Variants in GALNT18 observed in about 807,000 individuals in gnomAD.
GALNT18 encodes GalNAc-transferase 18.
GALNT18 carries 44 observed loss-of-function variants against 69.5 expected under a neutral mutation model. The observed-to-expected ratio is 0.63, with a 90% confidence interval of 0.50 to 0.81. The LOEUF (loss-of-function observed/expected upper bound fraction) is 0.81, where lower values mean the gene tolerates loss of function less well. Among genes scored for constraint, GALNT18 ranks in the 40% least tolerant of loss-of-function variants. The pLI, the probability that GALNT18 is intolerant of heterozygous loss-of-function variation, is 0.00. For missense variants in GALNT18, 715 were observed against 810.0 expected (o/e 0.88, Z 1.42); for synonymous variants, 364 against 318.2 (o/e 1.14, Z -1.53).
intron 10 of GALNT18, among the ~76,000 whole-genome samples, chr11:11,287,236 A>G (rs1190770176): frequency 6.6e-6 from 1 of 152,242 alleles, no homozygotes; most frequent in Non-Finnish European, 1.5e-5. Context: ...TTTAGCCATG[A>G]ATTCAAACAT....
intron 1 of GALNT18, among the ~76,000 whole-genome samples, chr11:11,585,631 C>T (rs999633849): frequency 3.9e-5 from 6 of 152,174 alleles, no homozygotes; most frequent in Non-Finnish European, 5.9e-5. Flanking sequence ...GCTGGGATTA[C>T]AGGCATGAGC....
At position 11,375,328 on chromosome 11, in the gene GALNT18, T is replaced by C. The variant is rs531345289; in HGVS notation, c.977+1854A>G. 1.2e-3 allele frequency among the ~76,000 whole-genome samples: 189 copies of C among 152,326 alleles called. 1 individual carries two copies. The highest frequency in any genetic ancestry group is 4.2e-3 in the African/African-American group (174 of 41,572). On this transcript the variant is annotated intron_variant, in intron 5 of 10. Coordinates refer to ENST00000227756, the MANE Select transcript of GALNT18 (RefSeq NM_198516.3). ...CAAGTTTTTGATAAAAATTGGGTGA[T>C]AGAAAATTTGAGGTTGAGATGACAT...
chr11:11,314,562 G>A lies in GALNT18; in HGVS notation c.1512+12524C>T, dbSNP rs1849719847. Among the ~76,000 whole-genome samples, 1 of 152,106 alleles carries A rather than the reference G, an allele frequency of 6.6e-6. No individual in the cohort carries two copies. Among genetic ancestry groups the A allele is most frequent in the South Asian group, 2.1e-4 (1 of 4,824 alleles). ...TGTCCAGGCAGGAGATGGCTGGTCT[G>A]CCTCTCTTTTGCAACTACCAAAAGA... is the stretch of plus-strand genomic sequence containing the variant. On this transcript the variant is annotated intron_variant, in intron 9 of 10. Transcript: ENST00000227756. This position sits in a 1 kb window ranked among gnomAD's most constrained non-coding sequence, Gnocchi z 5.2.
At chr11:11,395,720 T>C (rs1250334377) in intron 3 of GALNT18, among the ~76,000 whole-genome samples, 1 of 151,908 alleles carries the variant, frequency 6.6e-6, no homozygotes, top group Non-Finnish European at 1.5e-5. Context: ...AGGAGGCCCA[T>C]TGGGAGAAAG....
intron 1 of GALNT18, among the ~76,000 whole-genome samples, chr11:11,577,517 C>T (rs1378129107): frequency 3.9e-5 from 6 of 152,178 alleles, no homozygotes; most frequent in South Asian, 2.1e-4. Context: ...CCTCCAATTT[C>T]CGTTTTGTTA....
chr11:11,544,062 C>A (rs1217080118), intron 1 of GALNT18, among the ~76,000 whole-genome samples: 4 of 152,238 alleles, frequency 2.6e-5, no homozygotes, highest in African/African-American at 9.6e-5. Context: ...CCAGGCTGTG[C>A]CAGCCCCTCT....
intron 6 of GALNT18, among the ~76,000 whole-genome samples, chr11:11,360,325 G>A (rs748426835): frequency 6.6e-6 from 1 of 152,280 alleles, no homozygotes; most frequent in Admixed American, 6.5e-5. Context: ...TGCTGCTCTC[G>A]CAATGCATCA....
At chr11:11,449,016 A>G in intron 1 of GALNT18, 80 bp from the exon 2 acceptor site, 1 of 1,205,278 alleles carries the variant, frequency 8.3e-7, no homozygotes, top group South Asian at 1.6e-5. Context: ...CCTTCCTCAC[A>G]AACAGCCTTT....
intron 1 of GALNT18, among the ~76,000 whole-genome samples, chr11:11,556,533 T>TA (rs1858337028): frequency 6.6e-6 from 1 of 152,252 alleles, no homozygotes; most frequent in South Asian, 2.1e-4. Flanking sequence ...TACAAAAATC[T>TA]AACTTCTCAC....
At chr11:11,466,622 A>G (rs1856161508) in intron 1 of GALNT18, among the ~76,000 whole-genome samples, 1 of 152,228 alleles carries the variant, frequency 6.6e-6, no homozygotes, top group Non-Finnish European at 1.5e-5. Flanking sequence ...TTTACCTATT[A>G]GGATTTTGCA....
chr11:11,493,914 C>T (rs1214364686), intron 1 of GALNT18, among the ~76,000 whole-genome samples: 1 of 152,172 alleles, frequency 6.6e-6, no homozygotes, highest in African/African-American at 2.4e-5. Context: ...CCATGGGGAG[C>T]TGTCACAGAG....
At chr11:11,524,394 C>T (rs539436425) in intron 1 of GALNT18, among the ~76,000 whole-genome samples, 1 of 152,300 alleles carries the variant, frequency 6.6e-6, no homozygotes, top group South Asian at 2.1e-4. Context: ...TTACCATTGC[C>T]TTGCAGTATC....
intron 1 of GALNT18, among the ~76,000 whole-genome samples, chr11:11,566,911 G>A (rs150554087): frequency 4.6e-5 from 7 of 152,260 alleles, no homozygotes; most frequent in African/African-American, 1.2e-4. Context: ...TCCACCTTCC[G>A]TGATTAGTTG....
intron 6 of GALNT18, among the ~76,000 whole-genome samples, chr11:11,365,538 T>C (rs1435181024): frequency 2.0e-5 from 3 of 152,172 alleles, no homozygotes. Context: ...GATCAAATGG[T>C]GTTTCTGGTT....
intron 9 of GALNT18, among the ~76,000 whole-genome samples, chr11:11,316,788 G>A (rs528431982): frequency 6.6e-6 from 1 of 152,346 alleles, no homozygotes; most frequent in Non-Finnish European, 1.5e-5. Flanking sequence ...GGGCTAGTGG[G>A]AAAGGAGTGT....
In GALNT18 at chr11:11,430,046, G is replaced by A. The variant is rs1350329705; in HGVS notation, c.595+2575C>T. Among the ~76,000 whole-genome samples, 1 of 152,030 alleles carries A rather than the reference G, an allele frequency of 6.6e-6. No homozygotes were observed. Among genetic ancestry groups the A allele is most frequent in the Non-Finnish European group, 1.5e-5 (1 of 68,010 alleles). On this transcript the variant is annotated intron_variant, in intron 3 of 10. Coordinates refer to ENST00000227756, the MANE Select transcript of GALNT18 (RefSeq NM_198516.3). The surrounding 1 kb of genome is among the most constrained non-coding windows in gnomAD (Gnocchi z 4.9). ...TCCCAGCTACTCGGGAGGCTAAGAT[G>A]GGAGGATTGCTTGAGCCTGGGAGCC...
chr11:11,274,883 T>C (rs1848907517), intron 10 of GALNT18, among the ~76,000 whole-genome samples: 2 of 152,212 alleles, frequency 1.3e-5, no homozygotes, highest in African/African-American at 4.8e-5. Flanking sequence ...CATGAACTCA[T>C]TTTTTATGGC....
At chr11:11,295,717 T>A (rs1369458077) in intron 9 of GALNT18, among the ~76,000 whole-genome samples, 1 of 152,040 alleles carries the variant, frequency 6.6e-6, no homozygotes, top group African/African-American at 2.4e-5. Flanking sequence ...TGTGGTCACT[T>A]TACAAGTTAT....
Position 11,332,800 on chromosome 11 carries a change from G to A in GALNT18, c.1310C>T (p.Ala437Val), listed in dbSNP as rs986530613. The change falls in exon 8 of 11, where the codon GCA (alanine) becomes GTA (valine). Residue 437 changes from alanine to valine, a missense_variant. Ala to Val is a moderately conservative substitution (Grantham distance 64). Coordinates refer to ENST00000227756, the MANE Select transcript of GALNT18 (RefSeq NM_198516.3). This position sits in a 1 kb window ranked among gnomAD's most constrained non-coding sequence, Gnocchi z 4.3. Reference sequence around the variant, plus strand: ...CAGCTGTTTCCTGAGAGCCTTCCTTGCAGTGATGTCCCCAATGTCAATTCC... The same window carrying A: ...CAGCTGTTTCCTGAGAGCCTTCCTTACAGTGATGTCCCCAATGTCAATTCC... Reference protein sequence around the residue: ...DSGIDIGDITARKALRKQLQC... With the variant: ...DSGIDIGDITVRKALRKQLQC... 10 of 1,613,638 alleles carry A rather than the reference G, an allele frequency of 6.2e-6. No individual in the cohort carries two copies. The highest frequency in any genetic ancestry group is 1.7e-5 in the Admixed American group (1 of 59,986).
Sources: allele counts gnomAD v4.1 joint callset (sites outside exome capture counted in the v4.1 genomes callset), GRCh38; gene constraint gnomAD v4.1.1; non-coding constraint Gnocchi (gnomAD v3.1); transcripts MANE v1.5; gene names NCBI Gene and HGNC (gene_info 2026-07-23, HGNC 2026-07-21).